Variants in NBEA observed in about 807,000 individuals in gnomAD.
The protein encoded by NBEA is lysosomal-trafficking regulator 2.
NBEA carries 44 observed loss-of-function variants against 343.4 expected under a neutral mutation model. That is an observed-to-expected ratio of 0.13 (90% confidence interval 0.10 to 0.16). The LOEUF is 0.16. Among genes scored for constraint, NBEA ranks in the 10% least tolerant of loss-of-function variants. The pLI is 1.00. For synonymous variants in NBEA, 1,175 were observed against 1,238.7 expected, an observed-to-expected ratio of 0.95 and a Z score of 1.08; for missense variants, 2,555 against 3,631.3, an observed-to-expected ratio of 0.70 and a Z score of 7.62.
chr13:35,386,738 C>T (rs2042259799), intron 38 of NBEA, among the ~76,000 whole-genome samples: 1 of 152,092 alleles, frequency 6.6e-6, no homozygotes, highest in Non-Finnish European at 1.5e-5. Context: ...TTCATTTGAT[C>T]ATTTTATTTT....
At chr13:35,650,465 G>A (rs191127380) in intron 52 of NBEA, among the ~76,000 whole-genome samples, 135 of 152,180 alleles carry the variant, frequency 8.9e-4, no homozygotes, top group Middle Eastern at 3.4e-3. Context: ...GCGACATAAC[G>A]TTGTGGCAAA....
intron 28 of NBEA, among the ~76,000 whole-genome samples, chr13:35,180,846 C>T (rs188496881): frequency 6.6e-6 from 1 of 151,840 alleles, no homozygotes; most frequent in East Asian, 1.9e-4. Context: ...CCCTTCTAGT[C>T]CCCAAAGTCC....
chr13:35,403,182 AAATT>A (rs1416150969), intron 38 of NBEA, among the ~76,000 whole-genome samples: 3 of 151,418 alleles, frequency 2.0e-5, no homozygotes, highest in African/African-American at 7.3e-5. Flanking sequence ...AATAAATAAA[AAATT>A]AATTAAAATA....
chr13:34,972,321 G>C (rs555652462), intron 1 of NBEA, among the ~76,000 whole-genome samples: 5 of 151,842 alleles, frequency 3.3e-5, no homozygotes, highest in Non-Finnish European at 7.4e-5. Context: ...TCATGTCTCT[G>C]CCTCCTTCAG....
intron 1 of NBEA, among the ~76,000 whole-genome samples, chr13:34,987,606 T>G (rs1247404414): frequency 2.6e-5 from 4 of 151,008 alleles, no homozygotes; most frequent in Admixed American, 6.6e-5. Context: ...CTTGGTTCCA[T>G]TATCCCCATC....
intron 34 of NBEA, among the ~76,000 whole-genome samples, chr13:35,283,572 T>A (rs2035204969): frequency 6.6e-6 from 1 of 152,192 alleles, no homozygotes; most frequent in South Asian, 2.1e-4. Flanking sequence ...TTTCTGACTT[T>A]TGATAAGCCA....
intron 10 of NBEA, among the ~76,000 whole-genome samples, chr13:35,080,123 C>T (rs2064312959): frequency 6.6e-6 from 1 of 152,242 alleles, no homozygotes; most frequent in African/African-American, 2.4e-5. Context: ...GCTGAGTTGG[C>T]ACCTTCAAAT....
At chr13:34,992,107 C>A (rs1250298129) in intron 1 of NBEA, among the ~76,000 whole-genome samples, 1 of 148,672 alleles carries the variant, frequency 6.7e-6, no homozygotes, top group African/African-American at 2.5e-5. Flanking sequence ...GGCTGCTGAA[C>A]CTTGTCTTTT....
chr13:35,468,089 C>T (rs2075466087), intron 40 of NBEA, among the ~76,000 whole-genome samples: 1 of 118,262 alleles, frequency 8.5e-6, no homozygotes, highest in Non-Finnish European at 1.8e-5. Flanking sequence ...CAGTGTACCC[C>T]CTCCTGAAAA....
intron 34 of NBEA, 132 bp from the exon 35 acceptor site, chr13:35,290,257 C>T: frequency 3.5e-6 from 2 of 570,200 alleles, no homozygotes; most frequent in Non-Finnish European, 6.2e-6. Context: ...TGAACATTTT[C>T]ATTCAGTTTA....
intron 41 of NBEA, among the ~76,000 whole-genome samples, chr13:35,517,866 A>T (rs2077545216): frequency 6.6e-6 from 1 of 152,236 alleles, no homozygotes; most frequent in South Asian, 2.1e-4. Flanking sequence ...ATAACCTTAC[A>T]AGATACTTAA....
chr13:35,444,393 A>C (rs2045889890), intron 39 of NBEA, among the ~76,000 whole-genome samples: 1 of 152,046 alleles, frequency 6.6e-6, no homozygotes. Flanking sequence ...TAATCTTTAA[A>C]ATTTCTCAAA....
At chr13:35,586,930 C>A (rs1243705130) in intron 46 of NBEA, among the ~76,000 whole-genome samples, 4 of 152,102 alleles carry the variant, frequency 2.6e-5, no homozygotes, top group Non-Finnish European at 5.9e-5. Context: ...ATTTACCAGT[C>A]AAGATCTCAA....
At chr13:35,270,330 G>A (rs1399714850) in intron 34 of NBEA, among the ~76,000 whole-genome samples, 1 of 152,196 alleles carries the variant, frequency 6.6e-6, no homozygotes, top group Non-Finnish European at 1.5e-5. Context: ...AAGAAGACAT[G>A]ATTTGTCAAG....
At chr13:35,445,798 A>ATATATATATATATG (rs1555267148) in intron 39 of NBEA, among the ~76,000 whole-genome samples, 1 of 83,960 alleles carries the variant, frequency 1.2e-5, no homozygotes, top group African/African-American at 5.4e-5. Context: ...ATATATATAT[A>ATATATATATATATG]TATATATATA....
chr13:35,443,308 T>C (rs538484364), intron 39 of NBEA, among the ~76,000 whole-genome samples: 2 of 152,088 alleles, frequency 1.3e-5, no homozygotes, highest in South Asian at 4.1e-4. Context: ...TATAGTCATG[T>C]GCTAAAATGG....
intron 36 of NBEA, among the ~76,000 whole-genome samples, chr13:35,315,111 A>G (rs2037631429): frequency 1.3e-5 from 2 of 152,224 alleles, no homozygotes; most frequent in South Asian, 4.1e-4. Flanking sequence ...TTAATATGAA[A>G]TATTTAAAAA....
At chr13:34,984,513 T>G (rs1411550219) in intron 1 of NBEA, among the ~76,000 whole-genome samples, 3 of 138,760 alleles carry the variant, frequency 2.2e-5, no homozygotes, top group African/African-American at 7.4e-5. Flanking sequence ...CTTAGCATTG[T>G]ATTGGCAATG....
chr13:34,987,047 C>T (rs138913906), intron 1 of NBEA, among the ~76,000 whole-genome samples: 1 of 151,104 alleles, frequency 6.6e-6, no homozygotes, highest in African/African-American at 2.4e-5. Flanking sequence ...CTGATCCTGT[C>T]ATTATGCTGT....
Sources: gnomAD v4.1 joint callset for allele counts (sites outside exome capture counted in the v4.1 genomes callset) on GRCh38, gnomAD v4.1.1 for gene constraint, MANE v1.5 for transcripts, NCBI Gene and HGNC (gene_info 2026-07-23, HGNC 2026-07-21) for gene names.